The following PRKAA1 variants were observed in gnomAD, a reference collection of about 807,000 sequenced individuals.
PRKAA1 encodes protein kinase AMP-activated catalytic subunit alpha 1.
In PRKAA1, 23 loss-of-function variants were observed where a neutral mutation model predicts 56.9. That is an observed-to-expected ratio of 0.40 (90% CI 0.29 to 0.57). PRKAA1 has a LOEUF of 0.57. Among genes scored for constraint, PRKAA1 ranks in the 20% least tolerant of loss-of-function variants. The pLI, the probability that PRKAA1 is intolerant of heterozygous loss-of-function variation, is 0.39. For synonymous variants in PRKAA1, 226 were observed against 227.0 expected (o/e 1.00, Z 0.04); for missense variants, 413 against 679.7 (o/e 0.61, Z 4.36).
intron 1 of PRKAA1, among the ~76,000 whole-genome samples, chr5:40,783,369 A>AAT (rs1554032966): frequency 6.6e-6 from 1 of 151,880 alleles, no homozygotes; most frequent in Non-Finnish European, 1.5e-5. Context: ...ACACAAAAAA[A>AAT]TCATATAAAA....
At chr5:40,783,609 A>C (rs1744351764) in intron 1 of PRKAA1, among the ~76,000 whole-genome samples, 1 of 152,152 alleles carries the variant, frequency 6.6e-6, no homozygotes, top group Non-Finnish European at 1.5e-5. Flanking sequence ...TACAAAAAAA[A>C]TTAACCAGGC....
At chr5:40,763,866 G>GA (rs1443630482) in intron 8 of PRKAA1, among the ~76,000 whole-genome samples, 15 of 152,028 alleles carry the variant, frequency 9.9e-5, no homozygotes, top group Admixed American at 9.2e-4. Context: ...TTATAAAGAA[G>GA]AAAAAAATTC....
intron 6 of PRKAA1, 63 bp downstream of exon 6, chr5:40,767,403 T>C: frequency 2.1e-6 from 3 of 1,419,028 alleles, no homozygotes; most frequent in Admixed American, 4.1e-5. Context: ...CAACTTTTTT[T>C]TTTTCACATA....
At chr5:40,794,369 C>A (rs1302334027) in intron 1 of PRKAA1, among the ~76,000 whole-genome samples, 1 of 152,068 alleles carries the variant, frequency 6.6e-6, no homozygotes, top group East Asian at 1.9e-4. Flanking sequence ...TGTTTGAGTT[C>A]ATTGTGGATT....
chr5:40,771,323 T>C (rs745987437), intron 4 of PRKAA1, among the ~76,000 whole-genome samples: 7 of 152,142 alleles, frequency 4.6e-5, no homozygotes, highest in Admixed American at 6.5e-5. Flanking sequence ...CTGGACAACA[T>C]AGTGAGAACT....
intron 1 of PRKAA1, among the ~76,000 whole-genome samples, chr5:40,785,358 G>A (rs1473316453): frequency 6.6e-6 from 1 of 152,048 alleles, no homozygotes; most frequent in African/African-American, 2.4e-5. Flanking sequence ...TCCTACCTCA[G>A]CCTCCCAAGT....
chr5:40,770,043 A>AG (rs1166872028), intron 4 of PRKAA1, among the ~76,000 whole-genome samples: 1 of 152,126 alleles, frequency 6.6e-6, no homozygotes, highest in Non-Finnish European at 1.5e-5. Context: ...TTAAAAAAAA[A>AG]CAAAACACCA....
chr5:40,769,402 G>T lies in PRKAA1; in HGVS notation c.596+14C>A. 4 of 1,571,254 alleles carry T rather than the reference G, an allele frequency of 2.5e-6. No individual in the cohort carries two copies. The highest frequency in any genetic ancestry group is 2.2e-5 in the East Asian group (1 of 44,480). ...TTTCAAATGTATTGAGGGAGGCAGG[G>T]TATCAAATACTACCTTCCTGAAATT... On this transcript the variant is annotated intron_variant, in intron 5 of 8. Transcript: ENST00000397128.
chr5:40,795,004 T>TACACACACACAC (rs776449388), intron 1 of PRKAA1, among the ~76,000 whole-genome samples: 1,732 of 137,554 alleles, frequency 0.013, 29 homozygotes, highest in African/African-American at 0.041. Flanking sequence ...TGTATACATA[T>TACACACACACAC]ATATACACAC....
At chr5:40,796,122 G>A (rs759575725) in intron 1 of PRKAA1, among the ~76,000 whole-genome samples, 3 of 152,100 alleles carry the variant, frequency 2.0e-5, no homozygotes, top group Non-Finnish European at 4.4e-5. Flanking sequence ...TTCGAGACCA[G>A]CCGGGCCAAC....
At chr5:40,771,300 G>A (rs779115983) in intron 4 of PRKAA1, among the ~76,000 whole-genome samples, 1 of 152,192 alleles carries the variant, frequency 6.6e-6, no homozygotes, top group African/African-American at 2.4e-5. Flanking sequence ...GAGGCCAGGA[G>A]TTCAAGAGCA....
chr5:40,760,550 A>T lies in PRKAA1; in HGVS notation c.*2228T>A, dbSNP rs1743139931. The T allele has an allele frequency of 6.5e-6, 1 of 152,758 alleles. No homozygotes were observed. Among genetic ancestry groups the T allele is most frequent in the Non-Finnish European group, 1.5e-5 (1 of 68,010 alleles). 9.5% of individuals were successfully genotyped at this position (152,758 alleles called of 1,614,324 possible). ...GCTGCACTTAGAGACCCTAAGTAAA[A>T]TTAGAATCCCCTAAAGAGAGGGCCA... On this transcript the variant is annotated 3_prime_UTR_variant, in exon 9 of 9. Transcript: ENST00000397128.
At chr5:40,765,708 T>C (rs903537041) in intron 6 of PRKAA1, among the ~76,000 whole-genome samples, 1 of 151,370 alleles carries the variant, frequency 6.6e-6, no homozygotes, top group Non-Finnish European at 1.5e-5. Context: ...GAAACAATTA[T>C]ATGAAGATAA....
At chr5:40,769,328 G>A (rs1579719740) in intron 5 of PRKAA1, 88 bp downstream of exon 5, 1 of 1,030,446 alleles carries the variant, frequency 9.7e-7, no homozygotes, top group Non-Finnish European at 1.4e-6. Flanking sequence ...CCTTTCATTA[G>A]AATTAAATAT....
rs1044771030 is a variant in PRKAA1, at chr5:40,761,062, T to G, written c.*1716A>C. 6.6e-6 allele frequency: 1 copy of G among 152,106 alleles called. No individual in the cohort carries two copies. The highest frequency in any genetic ancestry group is 1.5e-5 in the Non-Finnish European group (1 of 67,958). 9.4% of individuals were successfully genotyped at this position (152,106 alleles called of 1,614,324 possible). ...GTGTAAATCAGAAATCTTAGGAAAATCCAGTATCTTTAAAAAGTAATTTAA... is the reference window on the plus strand; with the variant it reads ...GTGTAAATCAGAAATCTTAGGAAAAGCCAGTATCTTTAAAAAGTAATTTAA... On this transcript the variant is annotated 3_prime_UTR_variant, in exon 9 of 9. Transcript: ENST00000397128.
intron 3 of PRKAA1, among the ~76,000 whole-genome samples, chr5:40,774,549 ATTTTTTTT>A (rs34814119): frequency 1.6e-5 from 2 of 125,084 alleles, no homozygotes; most frequent in Non-Finnish European, 3.4e-5. Flanking sequence ...TCCAGGCAGA[ATTTTTTTT>A]TTTTTTTTTT....
chr5:40,766,652 T>C (rs938199789), intron 6 of PRKAA1, among the ~76,000 whole-genome samples: 2 of 151,932 alleles, frequency 1.3e-5, no homozygotes, highest in Non-Finnish European at 2.9e-5. Context: ...AAAAATACAA[T>C]AATTCATGAG....
At position 40,765,014 on chromosome 5, in the gene PRKAA1, T is replaced by C; in HGVS notation, c.1046A>G (p.Lys349Arg). 1.2e-6 allele frequency: 2 copies of C among 1,614,190 alleles called. No homozygotes were observed. Among genetic ancestry groups the C allele is most frequent in the Non-Finnish European group, 1.7e-6 (2 of 1,180,026 alleles). Residue 349 changes from lysine (K) to arginine (R), a missense_variant, in exon 7 of 9, where the codon AAA (lysine) becomes AGA (arginine). Physicochemically the swap from Lys to Arg is conservative, Grantham distance 26. Around this residue, in one of 9 missense-constraint regions of PRKAA1, gnomAD observed 50 missense variants for 87.7 expected, o/e 0.57. Transcript: ENST00000397128. ...TGGGCTTGTCGCCAAATAGAAATCT[T>C]TGGCTTCATTCATTATTCTCCTGTT... ...IDNRRIMNEA[K>R]DFYLATSPPD...
At chr5:40,763,044 T>G in intron 8 of PRKAA1, 22 bp from the exon 9 acceptor site, 1 of 1,612,690 alleles carries the variant, frequency 6.2e-7, no homozygotes, top group Non-Finnish European at 8.5e-7. Flanking sequence ...GAATTTCAAT[T>G]TATTATAGTC....
Sources: allele counts gnomAD v4.1 joint callset (sites outside exome capture counted in the v4.1 genomes callset), GRCh38; gene constraint gnomAD v4.1.1; regional missense constraint gnomAD v4.1.1; transcripts MANE v1.5; gene names NCBI Gene and HGNC (gene_info 2026-07-23, HGNC 2026-07-21).